ATP2B2: variants seen among roughly 807,000 people sequenced by gnomAD.
ATP2B2 encodes the protein plasma membrane calcium-transporting ATPase 2.
ATP2B2 carries 15 observed loss-of-function variants against 120.0 expected under a neutral mutation model. That is an observed-to-expected ratio of 0.12 (90% CI 0.08 to 0.19). The LOEUF is 0.19. ATP2B2 is among the 10% of genes least tolerant of loss of function. The pLI is 1.00. For missense variants in ATP2B2, 1,045 were observed against 1,719.8 expected, an observed-to-expected ratio of 0.61 and a Z score of 6.94; for synonymous variants, 694 against 700.3, an observed-to-expected ratio of 0.99 and a Z score of 0.14.
chr3:10,579,120 C>CTCAGAACTA, intron 2 of ATP2B2, among the ~76,000 whole-genome samples: 1 of 152,198 alleles, frequency 6.6e-6, no homozygotes, highest in Admixed American at 6.5e-5. Context: ...AGGCCTACCT[C>CTCAGAACTA]CCAGGGAAGT....
chr3:10,327,813 T>A lies in ATP2B2; in HGVS notation c.*1001A>T. The A allele has an allele frequency of 6.5e-6, 1 of 152,678 alleles. No homozygotes were observed. Among genetic ancestry groups the A allele is most frequent in the Non-Finnish European group, 1.5e-5 (1 of 68,044 alleles). The allele number at this position is 152,678 out of a possible 1,614,324, so 9.5% of individuals were successfully genotyped here. On this transcript the variant is annotated 3_prime_UTR_variant, in exon 23 of 23. Transcript: ENST00000360273. ...CCTCAGGATGGCAACTCGGTAGCATTTGGCTTCTGCCTGAGCCTCTCACGG... is the reference window on the plus strand; with the variant it reads ...CCTCAGGATGGCAACTCGGTAGCATATGGCTTCTGCCTGAGCCTCTCACGG...
chr3:10,549,337 G>C (rs556714897), intron 2 of ATP2B2, among the ~76,000 whole-genome samples: 6 of 152,204 alleles, frequency 3.9e-5, no homozygotes, highest in Non-Finnish European at 5.9e-5. Flanking sequence ...CCTGCAGGCA[G>C]AGTCTTTGTC....
chr3:10,634,754 C>A (rs2069973068), intron 1 of ATP2B2, among the ~76,000 whole-genome samples: 2 of 152,232 alleles, frequency 1.3e-5, no homozygotes, highest in Admixed American at 1.3e-4. Context: ...GACCCCATGA[C>A]AAGTCACCAG....
At chr3:10,401,710 A>G (rs2062226206) in intron 4 of ATP2B2, among the ~76,000 whole-genome samples, 1 of 152,198 alleles carries the variant, frequency 6.6e-6, no homozygotes, top group South Asian at 2.1e-4. Context: ...CAGTCAAATC[A>G]GGGATGGGAA....
chr3:10,545,529 A>C (rs2067526724), intron 2 of ATP2B2, among the ~76,000 whole-genome samples: 1 of 100,896 alleles, frequency 9.9e-6, no homozygotes, highest in South Asian at 2.8e-4. Flanking sequence ...AATCCATCTC[A>C]AAAAAAAAAA....
At chr3:10,532,042 C>T (rs1230296990) in intron 3 of ATP2B2, among the ~76,000 whole-genome samples, 1 of 151,714 alleles carries the variant, frequency 6.6e-6, no homozygotes, top group Admixed American at 6.6e-5. Flanking sequence ...TCTGATGTGC[C>T]CCTCACCCCC....
At chr3:10,330,546 C>T (rs26798) in intron 22 of ATP2B2, among the ~76,000 whole-genome samples, 61,342 of 152,184 alleles carry the variant, frequency 0.4, 12,699 homozygotes, top group African/African-American at 0.48. Context: ...GAAAACAAGG[C>T]GGCGTTGGCG....
At chr3:10,510,699 G>T (rs146454248) in intron 3 of ATP2B2, among the ~76,000 whole-genome samples, 160 of 152,358 alleles carry the variant, frequency 1.1e-3, no homozygotes, top group African/African-American at 3.7e-3. Flanking sequence ...GAGGGATCTG[G>T]TGCCTTTCCT....
intron 3 of ATP2B2, among the ~76,000 whole-genome samples, chr3:10,405,446 C>T (rs1237851706): frequency 6.6e-6 from 1 of 152,162 alleles, no homozygotes; most frequent in Non-Finnish European, 1.5e-5. Flanking sequence ...GAGTGCAGAT[C>T]GCTGGGGTAG....
At chr3:10,484,414 G>T (rs1469608530) in intron 1 of ATP2B2, among the ~76,000 whole-genome samples, 1 of 152,118 alleles carries the variant, frequency 6.6e-6, no homozygotes, top group Non-Finnish European at 1.5e-5. Context: ...TGCAGGTGAG[G>T]ATCCTGGGGA....
At position 10,340,730 on chromosome 3, in the gene ATP2B2, G is replaced by A. The variant is rs764640704; in HGVS notation, c.2918-26C>T. ...CTGCCAAGTGAGAGAGTGGGGCTGG[G>A]CTGAAGGCAGTGGTGGGGGAATCAG... is the stretch of plus-strand genomic sequence containing the variant. On this transcript the variant is annotated intron_variant, in intron 19 of 22. Coordinates refer to ENST00000360273, the MANE Select transcript of ATP2B2 (RefSeq NM_001001331.4). This position sits in a 1 kb window ranked among gnomAD's most constrained non-coding sequence, Gnocchi z 5.0. The A allele has an allele frequency of 6.2e-7, 1 of 1,612,836 alleles. No individual in the cohort carries two copies. Among genetic ancestry groups the A allele is most frequent in the South Asian group, 1.1e-5 (1 of 91,048 alleles).
chr3:10,681,290 A>G (rs528534697), intron 1 of ATP2B2, among the ~76,000 whole-genome samples: 432 of 152,288 alleles, frequency 2.8e-3, no homozygotes, highest in Non-Finnish European at 4.8e-3. Flanking sequence ...CAGCAGCTCC[A>G]CGCTTGGGGG....
Position 10,420,082 on chromosome 3 carries a change from G to A in ATP2B2, c.200-9267C>T, listed in dbSNP as rs150200218. On this transcript the variant is annotated intron_variant, in intron 2 of 22. Transcript: ENST00000360273. Reference sequence around the variant, plus strand: ...TGAGAGGCTGTCAGTGCATGCATGCGTGCCCGAGGATGTGGCTGAGTCAGT... The same window carrying A: ...TGAGAGGCTGTCAGTGCATGCATGCATGCCCGAGGATGTGGCTGAGTCAGT... Among the ~76,000 whole-genome samples the A allele has an allele frequency of 1.3e-3, 203 of 152,350 alleles. 1 individual carries two copies. In the Middle Eastern group the frequency reaches 0.024, roughly 18 times the overall value.
Position 10,346,127 on chromosome 3 carries a change from G to A in ATP2B2, c.2415C>T (p.Asp805=). ...CCTGCCGCTGCTCAGTGTGTGTGCT[G>A]TCGATGATGCCTGTTGGGGCAGGAG... is the stretch of plus-strand genomic sequence containing the variant. ...DKHTLVKGII[D]STHTEQRQVV... is the part of the protein sequence containing the mutation. Residue 805 remains aspartate, a synonymous_variant, in exon 17 of 23, where the codon GAC becomes GAT. Transcript: ENST00000360273. This position sits in a 1 kb window ranked among gnomAD's most constrained non-coding sequence, Gnocchi z 4.1. 6.2e-7 allele frequency: 1 copy of A among 1,610,906 alleles called. No individual in the cohort carries two copies. The highest frequency in any genetic ancestry group is 8.5e-7 in the Non-Finnish European group (1 of 1,179,950).
At chr3:10,682,966 G>A (rs2071418141) in intron 1 of ATP2B2, among the ~76,000 whole-genome samples, 1 of 152,288 alleles carries the variant, frequency 6.6e-6, no homozygotes, top group East Asian at 1.9e-4. Flanking sequence ...GTAATGTGCT[G>A]TGCCCATGTT....
At chr3:10,637,979 C>T (rs990895969) in intron 1 of ATP2B2, among the ~76,000 whole-genome samples, 1 of 151,444 alleles carries the variant, frequency 6.6e-6, no homozygotes, top group African/African-American at 2.4e-5. Context: ...AGTGAGAAGA[C>T]AGTGGGGCAA....
chr3:10,359,827 C>T, intron 13 of ATP2B2, 55 bp downstream of exon 13: 2 of 1,612,314 alleles, frequency 1.2e-6, no homozygotes, highest in South Asian at 1.1e-5. Context: ...CTGACATCCC[C>T]AGCTCCCTGC....
intron 1 of ATP2B2, among the ~76,000 whole-genome samples, chr3:10,628,968 C>T (rs2069785400): frequency 6.6e-6 from 1 of 152,202 alleles, no homozygotes; most frequent in Non-Finnish European, 1.5e-5. Context: ...TATTTAATAT[C>T]TATCGTTGGC....
intron 17 of ATP2B2, 45 bp from the exon 18 acceptor site, chr3:10,345,620 G>A (rs1374231432): frequency 1.3e-6 from 2 of 1,585,780 alleles, no homozygotes; most frequent in Admixed American, 1.7e-5. Context: ...GCCGGGGGAG[G>A]TGACCACTTC....
Sources: allele counts gnomAD v4.1 joint callset (sites outside exome capture counted in the v4.1 genomes callset), GRCh38; gene constraint gnomAD v4.1.1; non-coding constraint Gnocchi (gnomAD v3.1); transcripts MANE v1.5; gene names NCBI Gene and HGNC (gene_info 2026-07-23, HGNC 2026-07-21).